The following PTPRZ1 variants were observed in gnomAD, a reference collection of about 807,000 sequenced individuals.
PTPRZ1 encodes protein tyrosine phosphatase receptor type Z1, also known as receptor-type tyrosine-protein phosphatase zeta.
A neutral mutation model predicts 214.1 loss-of-function variants in PTPRZ1; 82 were observed. The observed-to-expected ratio is 0.38, with a 90% CI of 0.32 to 0.46. The LOEUF (loss-of-function observed/expected upper bound fraction) is 0.46. Among genes scored for constraint, PTPRZ1 ranks in the 20% least tolerant of loss-of-function variants. PTPRZ1 has a pLI of 1.00. For synonymous variants in PTPRZ1, 945 were observed against 987.9 expected (o/e 0.96, Z 0.81); for missense variants, 2,603 against 2,748.7 (o/e 0.95, Z 1.19).
intron 2 of PTPRZ1, among the ~76,000 whole-genome samples, chr7:121,943,521 G>C (rs956430467): frequency 6.6e-6 from 1 of 151,974 alleles, no homozygotes; most frequent in Non-Finnish European, 1.5e-5. Context: ...TGTATTTTTA[G>C]TAGAGATGGG....
chr7:122,046,214 G>A (rs940082277), intron 23 of PTPRZ1, among the ~76,000 whole-genome samples: 3 of 152,090 alleles, frequency 2.0e-5, no homozygotes, highest in Admixed American at 1.3e-4. Flanking sequence ...TCAAGAATTT[G>A]AGACCAGCTT....
At position 121,989,608 on chromosome 7, in the gene PTPRZ1, A is replaced by G. The variant is rs1797884518; in HGVS notation, c.928+5491A>G. On this transcript the variant is annotated intron_variant, in intron 8 of 29. Coordinates refer to ENST00000393386, the MANE Select transcript of PTPRZ1 (RefSeq NM_002851.3). ...AGGCTGGTCTTGAACTCCCGAACTC[A>G]GGTGATCCGCCCACCTCGGCCTCCC... 2.0e-5 allele frequency among the ~76,000 whole-genome samples: 3 copies of G among 152,276 alleles called. No homozygotes were observed. In the South Asian group the frequency reaches 6.2e-4, roughly 32 times the overall value.
chr7:121,982,497 T>G (rs1294038584), intron 6 of PTPRZ1, among the ~76,000 whole-genome samples: 1 of 152,204 alleles, frequency 6.6e-6, no homozygotes, highest in African/African-American at 2.4e-5. Flanking sequence ...CAATACTGAC[T>G]CTTCCAACCC....
At chr7:121,950,112 A>G (rs1796506701) in intron 2 of PTPRZ1, among the ~76,000 whole-genome samples, 1 of 152,212 alleles carries the variant, frequency 6.6e-6, no homozygotes, top group African/African-American at 2.4e-5. Context: ...AAGGATGACC[A>G]AGTCACATCT....
chr7:121,904,163 G>C (rs1458854257), intron 1 of PTPRZ1, among the ~76,000 whole-genome samples: 6 of 152,144 alleles, frequency 3.9e-5, no homozygotes, highest in African/African-American at 1.4e-4. Context: ...ATTCTGGTTG[G>C]TTGGACATGT....
intron 1 of PTPRZ1, among the ~76,000 whole-genome samples, chr7:121,916,960 TA>T (rs1389812853): frequency 6.6e-6 from 1 of 152,136 alleles, no homozygotes; most frequent in Non-Finnish European, 1.5e-5. Context: ...AGTGAGATGT[TA>T]GGCAAAGAGT....
chr7:121,893,795 A>C (rs1297365747), intron 1 of PTPRZ1, among the ~76,000 whole-genome samples: 1 of 152,180 alleles, frequency 6.6e-6, no homozygotes, highest in Non-Finnish European at 1.5e-5. Flanking sequence ...CAACTTCTTA[A>C]TGATAGCCAA....
In PTPRZ1 at chr7:121,985,614, C is replaced by T. The variant is rs987847776; in HGVS notation, c.928+1497C>T. 2.0e-5 allele frequency among the ~76,000 whole-genome samples: 3 copies of T among 152,338 alleles called. No homozygotes were observed. In the South Asian group the frequency reaches 6.2e-4, roughly 32 times the overall value. On this transcript the variant is annotated intron_variant, in intron 8 of 29. Transcript: ENST00000393386. ...TTGATGGCATATTCCTCTCCACTGTCTTCATTTCCCTGCCTCCTCATTCTT... is the reference window on the plus strand; with the variant it reads ...TTGATGGCATATTCCTCTCCACTGTTTTCATTTCCCTGCCTCCTCATTCTT...
intron 6 of PTPRZ1, among the ~76,000 whole-genome samples, chr7:121,980,489 T>A (rs1797570899): frequency 6.6e-6 from 1 of 152,220 alleles, no homozygotes; most frequent in South Asian, 2.1e-4. Context: ...GACATACTTT[T>A]AGAAGTTACT....
intron 1 of PTPRZ1, among the ~76,000 whole-genome samples, chr7:121,910,486 C>CTA (rs112786379): frequency 0.087 from 13,186 of 151,158 alleles, 577 homozygotes; most frequent in Non-Finnish European, 0.097. Context: ...TCTCAAGTGC[C>CTA]TATATATATA....
In PTPRZ1 at chr7:122,012,190, T is replaced by A; in HGVS notation, c.3144T>A (p.Tyr1048Ter). Residue 1048 changes from tyrosine (Y) to a stop codon, truncating the protein, a stop_gained, in exon 12 of 30, where the codon TAT (tyrosine) becomes TAA (stop). Transcript: ENST00000393386. LOFTEE classifies it high-confidence loss of function. Reference protein sequence around the residue: ...NKALSKSEIIYGNETELQIPS... With the variant: ...NKALSKSEII Reference sequence around the variant, plus strand: ...CGCTTTCTAAAAGTGAAATAATATATGGAAATGAGACTGAACTGCAAATTC... The same window carrying A: ...CGCTTTCTAAAAGTGAAATAATATAAGGAAATGAGACTGAACTGCAAATTC... 6.2e-7 allele frequency: 1 copy of A among 1,613,958 alleles called. No homozygotes were observed. Among genetic ancestry groups the A allele is most frequent in the Non-Finnish European group, 8.5e-7 (1 of 1,179,824 alleles).
intron 1 of PTPRZ1, among the ~76,000 whole-genome samples, chr7:121,926,600 A>T (rs1795771328): frequency 3.9e-5 from 6 of 152,336 alleles, no homozygotes; most frequent in Admixed American, 3.9e-4. Context: ...TAGAATAGTC[A>T]AATCTATATA....
intron 21 of PTPRZ1, 83 bp downstream of exon 21, chr7:122,041,062 A>G: frequency 8.2e-7 from 1 of 1,226,684 alleles, no homozygotes; most frequent in Non-Finnish European, 1.1e-6. Flanking sequence ...GCTTTTGCCC[A>G]AATGGGAATG....
intron 2 of PTPRZ1, among the ~76,000 whole-genome samples, chr7:121,949,417 TG>T (rs1362566056): frequency 2.6e-4 from 39 of 152,304 alleles, no homozygotes; most frequent in African/African-American, 9.4e-4. Flanking sequence ...GAATTACTGT[TG>T]TTATAATGAT....
intron 4 of PTPRZ1, 82 bp downstream of exon 4, chr7:121,972,774 A>T: frequency 9.0e-7 from 1 of 1,109,914 alleles, no homozygotes; most frequent in Non-Finnish European, 1.2e-6. Context: ...GATTAATTTT[A>T]AAATCCAATA....
intron 1 of PTPRZ1, among the ~76,000 whole-genome samples, chr7:121,923,472 A>G (rs999262929): frequency 3.3e-5 from 5 of 152,112 alleles, no homozygotes; most frequent in Non-Finnish European, 5.9e-5. Context: ...TCCCTATTAC[A>G]GTAATATTTT....
At chr7:122,018,960 T>C (rs1055137334) in intron 12 of PTPRZ1, among the ~76,000 whole-genome samples, 164 bp from the exon 13 acceptor site, 1 of 152,228 alleles carries the variant, frequency 6.6e-6, no homozygotes, top group Non-Finnish European at 1.5e-5. Flanking sequence ...ATTTTAAACT[T>C]TGTTTTAATT....
intron 8 of PTPRZ1, among the ~76,000 whole-genome samples, chr7:121,995,957 G>A (rs1798119017): frequency 1.3e-5 from 2 of 152,110 alleles, no homozygotes; most frequent in Admixed American, 1.3e-4. Context: ...TCAAAACAAT[G>A]TTCTAGGCAA....
At chr7:122,021,105 T>G (rs1282362590) in intron 13 of PTPRZ1, among the ~76,000 whole-genome samples, 3 of 152,116 alleles carry the variant, frequency 2.0e-5, no homozygotes, top group Non-Finnish European at 2.9e-5. Context: ...TCATAGTAAA[T>G]AGTGCTAGTA....
Sources: allele counts gnomAD v4.1 joint callset (sites outside exome capture counted in the v4.1 genomes callset), GRCh38; gene constraint gnomAD v4.1.1; transcripts MANE v1.5; gene names NCBI Gene and HGNC (gene_info 2026-07-23, HGNC 2026-07-21).